LRP1B: variants seen among roughly 807,000 people sequenced by gnomAD.
LRP1B encodes the protein LDL receptor related protein 1B, also known as low-density lipoprotein receptor-related protein 1B.
In LRP1B, 217 loss-of-function variants were observed where a neutral mutation model predicts 556.6. The observed-to-expected ratio is 0.39, with a 90% CI of 0.35 to 0.44. LRP1B has a LOEUF of 0.44. Ranked by LOEUF, LRP1B falls within the 20% of genes least tolerant of loss-of-function variation. The pLI is 1.00. For synonymous variants in LRP1B, 2,047 were observed against 1,865.8 expected, an observed-to-expected ratio of 1.10 and a Z score of -2.50; for missense variants, 5,053 against 5,620.8, an observed-to-expected ratio of 0.90 and a Z score of 3.23.
intron 1 of LRP1B, among the ~76,000 whole-genome samples, chr2:141,897,050 T>G (rs1699475439): frequency 6.6e-6 from 1 of 152,172 alleles, no homozygotes; most frequent in Admixed American, 6.6e-5. Context: ...GCTCATAAAT[T>G]ACATGTTCAT....
chr2:141,181,003 C>G (rs987967094), intron 7 of LRP1B, among the ~76,000 whole-genome samples: 1 of 151,892 alleles, frequency 6.6e-6, no homozygotes, highest in Non-Finnish European at 1.5e-5. Flanking sequence ...ATTTTTCTTT[C>G]TTAACATTAG....
chr2:140,564,465 T>C (rs1016471957), intron 43 of LRP1B, among the ~76,000 whole-genome samples: 1 of 152,194 alleles, frequency 6.6e-6, no homozygotes, highest in East Asian at 1.9e-4. Context: ...TCAGCACACA[T>C]TTATCAAGTT....
At chr2:142,044,562 G>T (rs544497920) in intron 1 of LRP1B, among the ~76,000 whole-genome samples, 1 of 151,782 alleles carries the variant, frequency 6.6e-6, no homozygotes, top group East Asian at 1.9e-4. Flanking sequence ...ATACCTGCTG[G>T]CACTTTCAAC....
intron 1 of LRP1B, among the ~76,000 whole-genome samples, chr2:142,018,881 T>G (rs1444022658): frequency 7.2e-6 from 1 of 139,772 alleles, no homozygotes; most frequent in Non-Finnish European, 1.6e-5. Flanking sequence ...GATAGATATG[T>G]CTTATACATG....
At chr2:141,355,657 A>G (rs1688601420) in intron 3 of LRP1B, among the ~76,000 whole-genome samples, 1 of 152,130 alleles carries the variant, frequency 6.6e-6, no homozygotes, top group Non-Finnish European at 1.5e-5. Context: ...CTCAAGATAA[A>G]TTAAAAATTA....
Position 140,848,321 on chromosome 2 carries a change from T to C in LRP1B, c.4939+1781A>G, listed in dbSNP as rs571026597. 4.5e-4 allele frequency among the ~76,000 whole-genome samples: 69 copies of C among 152,340 alleles called. 1 individual carries two copies. In the South Asian group the frequency reaches 5.4e-3, roughly 12 times the overall value. On this transcript the variant is annotated intron_variant, in intron 29 of 90. Transcript: ENST00000389484. ...TGAACAAAGAGGAAATCTTTGCATT[T>C]GCTTTTTTATAAAAATTCTTGTTTT...
At chr2:140,249,969 T>G (rs760559514) in intron 86 of LRP1B, among the ~76,000 whole-genome samples, 23 of 152,024 alleles carry the variant, frequency 1.5e-4, no homozygotes, top group Middle Eastern at 6.8e-3. Flanking sequence ...TGCATAACCA[T>G]GCTGACTATA....
chr2:142,086,028 C>A (rs1026171640), intron 1 of LRP1B, among the ~76,000 whole-genome samples: 1 of 152,120 alleles, frequency 6.6e-6, no homozygotes, highest in African/African-American at 2.4e-5. Context: ...ATTAATTAGT[C>A]TTTAACCTAC....
chr2:141,003,638 C>T (rs192047518), intron 15 of LRP1B, among the ~76,000 whole-genome samples: 1,658 of 152,140 alleles, frequency 0.011, 31 homozygotes, highest in African/African-American at 0.036. Flanking sequence ...TTGCTCCTCC[C>T]TGCCTTCCAT....
chr2:140,345,821 TA>T (rs891908765), intron 77 of LRP1B, among the ~76,000 whole-genome samples: 2 of 141,126 alleles, frequency 1.4e-5, no homozygotes, highest in Non-Finnish European at 3.1e-5. Context: ...TATATATACA[TA>T]TATACATATA....
chr2:140,750,657 C>A (rs1688544083), intron 35 of LRP1B, among the ~76,000 whole-genome samples: 1 of 152,118 alleles, frequency 6.6e-6, no homozygotes, highest in African/African-American at 2.4e-5. Flanking sequence ...AAAGGATAAA[C>A]CTTACAAGGG....
intron 7 of LRP1B, among the ~76,000 whole-genome samples, chr2:141,124,429 C>G (rs1481900325): frequency 6.6e-6 from 1 of 151,996 alleles, no homozygotes; most frequent in Non-Finnish European, 1.5e-5. Context: ...TGGTACATAG[C>G]CATATTAATT....
intron 1 of LRP1B, among the ~76,000 whole-genome samples, chr2:142,075,943 G>T (rs1274952807): frequency 6.6e-6 from 1 of 152,114 alleles, no homozygotes; most frequent in Non-Finnish European, 1.5e-5. Flanking sequence ...TCTAGGTACT[G>T]CTCTGTAGGC....
At chr2:141,191,463 T>C (rs1681502421) in intron 6 of LRP1B, among the ~76,000 whole-genome samples, 1 of 151,908 alleles carries the variant, frequency 6.6e-6, no homozygotes, top group African/African-American at 2.4e-5. Flanking sequence ...TAGACATATG[T>C]GTCAGCATTA....
At chr2:140,341,723 G>T (rs1681401757) in intron 77 of LRP1B, among the ~76,000 whole-genome samples, 1 of 151,442 alleles carries the variant, frequency 6.6e-6, no homozygotes, top group African/African-American at 2.4e-5. Flanking sequence ...TTATAGCTAT[G>T]TAAGAAAATG....
At chr2:141,204,909 C>A (rs1306865122) in intron 6 of LRP1B, among the ~76,000 whole-genome samples, 2 of 151,726 alleles carry the variant, frequency 1.3e-5, no homozygotes, top group African/African-American at 2.4e-5. Context: ...TGCACCCTAG[C>A]CTGGGTGACA....
intron 1 of LRP1B, among the ~76,000 whole-genome samples, chr2:141,815,392 A>T (rs1696506155): frequency 6.6e-6 from 1 of 152,142 alleles, no homozygotes; most frequent in African/African-American, 2.4e-5. Flanking sequence ...GTACAAGAGG[A>T]CTGTAAAATG....
At position 141,597,055 on chromosome 2, in the gene LRP1B, TACAC is replaced by T. The variant is rs35647921; in HGVS notation, c.206-116526_206-116523del. 3.7e-3 allele frequency among the ~76,000 whole-genome samples: 539 copies of T among 147,220 alleles called. 2 individuals are homozygous for T. The highest frequency in any genetic ancestry group is 0.01 in the Middle Eastern group (3 of 288). ...CACAAACACATAAGTTCTGACATTTTACACACACACACACACACACACACACACA... is the reference window on the plus strand; with the variant it reads ...CACAAACACATAAGTTCTGACATTTTACACACACACACACACACACACACA... On this transcript the variant is annotated intron_variant, in intron 2 of 90. Transcript: ENST00000389484.
chr2:140,235,926 A>G (rs1285566839), intron 89 of LRP1B, among the ~76,000 whole-genome samples: 4 of 150,962 alleles, frequency 2.6e-5, no homozygotes, highest in Middle Eastern at 3.2e-3. Flanking sequence ...GAACTCTATT[A>G]TTTGTCTTTC....
Sources: gnomAD v4.1 joint callset for allele counts (sites outside exome capture counted in the v4.1 genomes callset) on GRCh38, gnomAD v4.1.1 for gene constraint, MANE v1.5 for transcripts, NCBI Gene and HGNC (gene_info 2026-07-23, HGNC 2026-07-21) for gene names.